Variants in PREX1 observed in about 807,000 individuals in gnomAD.
PREX1 encodes the protein phosphatidylinositol-3,4,5-trisphosphate dependent Rac exchange factor 1.
Under a neutral mutation model 198.3 loss-of-function variants are expected in PREX1, and 41 were observed. The ratio of observed to expected loss-of-function variants is 0.21; its 90% CI spans 0.16 to 0.27. The LOEUF (loss-of-function observed/expected upper bound fraction) is 0.27, where lower values mean the gene tolerates loss of function less well. Among genes scored for constraint, PREX1 ranks in the 10% least tolerant of loss-of-function variants. PREX1 has a pLI of 1.00. For missense variants in PREX1, 1,620 were observed against 2,200.7 expected (o/e 0.74, Z 5.28); for synonymous variants, 843 against 887.2 (o/e 0.95, Z 0.89).
At chr20:48,674,624 C>G (rs6012508) in intron 14 of PREX1, among the ~76,000 whole-genome samples, 1 of 152,182 alleles carries the variant, frequency 6.6e-6, no homozygotes. Flanking sequence ...GCTGTGCACC[C>G]TTGGACCAGG....
At position 48,696,977 on chromosome 20, in the gene PREX1, T is replaced by TACACACACACACACACAC. The variant is rs11467059; in HGVS notation, c.917+3758_917+3775dup. Among the ~76,000 whole-genome samples, 269 of 148,704 alleles carry TACACACACACACACACAC rather than the reference T, an allele frequency of 1.8e-3. 1 individual carries two copies. The highest frequency in any genetic ancestry group is 6.4e-3 in the African/African-American group (257 of 40,470). ...GTCAACTGCTTATTATAAATCTCTT[T>TACACACACACACACACAC]ACACACACACACACACACACACACA... On this transcript the variant is annotated intron_variant, in intron 7 of 39. Transcript: ENST00000371941.
the PREX1 span, among the ~76,000 whole-genome samples, chr20:48,834,637 G>C: frequency 6.6e-6 from 1 of 151,948 alleles, no homozygotes; most frequent in South Asian, 2.1e-4. Context: ...ACAGCTCACT[G>C]CAGCCTCAAC....
intron 5 of PREX1, among the ~76,000 whole-genome samples, chr20:48,712,768 T>C (rs941192527): frequency 6.6e-6 from 1 of 152,120 alleles, no homozygotes; most frequent in Non-Finnish European, 1.5e-5. Context: ...CTCCAAAAAA[T>C]GAGGGCCCAT....
At chr20:48,745,600 C>G (rs536727796) in intron 2 of PREX1, among the ~76,000 whole-genome samples, 36 of 152,188 alleles carry the variant, frequency 2.4e-4, no homozygotes, top group Non-Finnish European at 4.1e-4. Flanking sequence ...TCCATGCACT[C>G]ATTAAAATGA....
the PREX1 span, among the ~76,000 whole-genome samples, chr20:48,877,773 G>T: frequency 3.9e-5 from 6 of 152,330 alleles, no homozygotes; most frequent in African/African-American, 1.4e-4. Context: ...TGCTCTAAAA[G>T]CTCCTCACTC....
chr20:48,765,176 T>C (rs1252414547), intron 1 of PREX1, among the ~76,000 whole-genome samples: 2 of 152,262 alleles, frequency 1.3e-5, no homozygotes, highest in African/African-American at 4.8e-5. Flanking sequence ...ACTCTGTTAT[T>C]ATGATTACTA....
At chr20:48,764,932 A>C (rs769064988) in intron 1 of PREX1, among the ~76,000 whole-genome samples, 23 of 152,098 alleles carry the variant, frequency 1.5e-4, no homozygotes, top group Admixed American at 3.9e-4. Context: ...TGGAAGCTGG[A>C]AAAGGCAAGG....
intron 25 of PREX1, 28 bp downstream of exon 25, chr20:48,649,272 A>G: frequency 6.2e-7 from 1 of 1,600,812 alleles, no homozygotes; most frequent in South Asian, 1.1e-5. Flanking sequence ...GCCCCTGCTC[A>G]CGCCGGACAC....
At chr20:48,703,660 G>A (rs1568831806) in intron 6 of PREX1, among the ~76,000 whole-genome samples, 1 of 152,042 alleles carries the variant, frequency 6.6e-6, no homozygotes, top group Non-Finnish European at 1.5e-5. Flanking sequence ...TGGCCCAGCT[G>A]CCAAGCCCCA....
At chr20:48,781,285 G>T (rs2090288716) in intron 1 of PREX1, among the ~76,000 whole-genome samples, 1 of 152,156 alleles carries the variant, frequency 6.6e-6, no homozygotes, top group Non-Finnish European at 1.5e-5. Flanking sequence ...TTGTACTTAG[G>T]TAATTATACT....
chr20:48,662,181 T>C (rs2089601801), intron 15 of PREX1, among the ~76,000 whole-genome samples: 1 of 152,086 alleles, frequency 6.6e-6, no homozygotes, highest in Non-Finnish European at 1.5e-5. Flanking sequence ...GACACACAAA[T>C]TGCCACTTTC....
At chr20:48,685,390 A>G (rs2089778198) in intron 10 of PREX1, among the ~76,000 whole-genome samples, 1 of 152,222 alleles carries the variant, frequency 6.6e-6, no homozygotes, top group South Asian at 2.1e-4. Flanking sequence ...CCTCCTTCAT[A>G]CACTCATCAT....
Position 48,727,525 on chromosome 20 carries a change from C to T in PREX1, c.520-1134G>A, listed in dbSNP as rs117454275. Among the ~76,000 whole-genome samples the T allele has an allele frequency of 2.3e-3, 344 of 152,228 alleles. 3 individuals are homozygous for T. In the East Asian group the frequency reaches 0.044, roughly 19 times the overall value. ...ACTGACCAAGAGCTAATCATGTGTCCAGCAGGCCTCTAGGGCTCCCAACCA... is the reference window on the plus strand; with the variant it reads ...ACTGACCAAGAGCTAATCATGTGTCTAGCAGGCCTCTAGGGCTCCCAACCA... On this transcript the variant is annotated intron_variant, in intron 4 of 39. Coordinates refer to ENST00000371941, the MANE Select transcript of PREX1 (RefSeq NM_020820.4).
At chr20:48,697,069 G>A (rs1568828805) in intron 7 of PREX1, among the ~76,000 whole-genome samples, 1 of 152,042 alleles carries the variant, frequency 6.6e-6, no homozygotes. Flanking sequence ...TGGTAATGAG[G>A]AAGATCCAAG....
At position 48,662,699 on chromosome 20, in the gene PREX1, C is replaced by T. The variant is rs556564748; in HGVS notation, c.1739-2638G>A. Among the ~76,000 whole-genome samples the T allele has an allele frequency of 6.6e-5, 10 of 152,378 alleles. No individual in the cohort carries two copies. The East Asian group carries it at 1.5e-3, about 24-fold the overall frequency. On this transcript the variant is annotated intron_variant, in intron 15 of 39. Coordinates refer to ENST00000371941, the MANE Select transcript of PREX1 (RefSeq NM_020820.4). ...GCCACAGAGGCCCCTCCCAATCGCC[C>T]ATCCTGCACCTCACCCTGTATTTTG... is the stretch of plus-strand genomic sequence containing the variant.
chr20:48,678,094 A>T (rs909368799), intron 13 of PREX1, among the ~76,000 whole-genome samples: 5 of 151,984 alleles, frequency 3.3e-5, no homozygotes, highest in African/African-American at 7.3e-5. Context: ...CAGGCAGATC[A>T]CTTGAAGTCA....
chr20:48,747,949 G>A (rs1474302329), intron 1 of PREX1, 69 bp from the exon 2 acceptor site: 20 of 1,422,404 alleles, frequency 1.4e-5, no homozygotes, highest in Non-Finnish European at 1.9e-5. Context: ...CCCTACAGAA[G>A]GCTCTCAAGT....
chr20:48,829,379 C>G (rs1788955628), upstream of PREX1, among the ~76,000 whole-genome samples: 1 of 152,172 alleles, frequency 6.6e-6, no homozygotes, highest in African/African-American at 2.4e-5. Flanking sequence ...CTTATTTATT[C>G]CTGTTCCAAA....
the PREX1 span, among the ~76,000 whole-genome samples, chr20:48,865,150 A>G: frequency 6.6e-6 from 1 of 152,198 alleles, no homozygotes; most frequent in Non-Finnish European, 1.5e-5. Context: ...AGGTACTCCC[A>G]TACACCCCTG....
Sources: allele counts gnomAD v4.1 joint callset (sites outside exome capture counted in the v4.1 genomes callset), GRCh38; gene constraint gnomAD v4.1.1; transcripts MANE v1.5; gene names NCBI Gene and HGNC (gene_info 2026-07-23, HGNC 2026-07-21).